CTNNA3: variants seen among roughly 807,000 people sequenced by gnomAD.
The protein encoded by CTNNA3 is catenin alpha-3.
A neutral mutation model predicts 95.7 loss-of-function variants in CTNNA3; 76 were observed. The observed-to-expected ratio is 0.79, with a 90% CI of 0.66 to 0.96. CTNNA3 has a LOEUF of 0.96. CTNNA3 is among the 40% of genes least tolerant of loss of function. The probability of loss-of-function intolerance (pLI) is 0.00; values close to 1 mark genes in which losing one functional copy is unlikely to be tolerated. For synonymous variants in CTNNA3, 431 were observed against 374.4 expected, an observed-to-expected ratio of 1.15 and a Z score of -1.74; for missense variants, 1,191 against 1,089.8, an observed-to-expected ratio of 1.09 and a Z score of -1.31.
At chr10:67,363,974 T>C (rs556040909) in intron 5 of CTNNA3, among the ~76,000 whole-genome samples, 1 of 152,310 alleles carries the variant, frequency 6.6e-6, no homozygotes, top group South Asian at 2.1e-4. Context: ...AAACTCATTT[T>C]ATGAGGCAGC....
intron 9 of CTNNA3, among the ~76,000 whole-genome samples, chr10:66,744,570 G>T (rs995767815): frequency 3.9e-5 from 6 of 152,110 alleles, no homozygotes; most frequent in Admixed American, 2.6e-4. Flanking sequence ...AGTATCTAAT[G>T]ATCACTGGCT....
At chr10:65,968,019 G>A (rs956583849) in intron 16 of CTNNA3, among the ~76,000 whole-genome samples, 1 of 152,120 alleles carries the variant, frequency 6.6e-6, no homozygotes, top group Non-Finnish European at 1.5e-5. Flanking sequence ...AAAGGATGTG[G>A]AAAAATGTTT....
chr10:67,012,072 C>A (rs1019757481), intron 7 of CTNNA3, among the ~76,000 whole-genome samples: 18 of 152,210 alleles, frequency 1.2e-4, no homozygotes, highest in African/African-American at 4.3e-4. Context: ...CCAAAAATCA[C>A]AAGCTCCGTA....
chr10:66,629,616 A>G (rs1359780124), intron 9 of CTNNA3, among the ~76,000 whole-genome samples: 1 of 152,014 alleles, frequency 6.6e-6, no homozygotes, highest in Admixed American at 6.6e-5. Flanking sequence ...TTCAGATGCA[A>G]ATTTGGTTCC....
intron 10 of CTNNA3, among the ~76,000 whole-genome samples, chr10:66,571,405 T>C (rs1463283877): frequency 1.3e-5 from 2 of 152,194 alleles, no homozygotes; most frequent in Non-Finnish European, 2.9e-5. Flanking sequence ...TCACTTGGTC[T>C]ACATAATAAT....
intron 16 of CTNNA3, among the ~76,000 whole-genome samples, chr10:65,980,648 T>A (rs752518785): frequency 1.3e-5 from 2 of 151,878 alleles, no homozygotes; most frequent in Non-Finnish European, 2.9e-5. Flanking sequence ...TAAACTGCCA[T>A]AATCACGTGG....
intron 11 of CTNNA3, among the ~76,000 whole-genome samples, chr10:66,428,836 T>C (rs1391276139): frequency 4.0e-5 from 6 of 151,454 alleles, no homozygotes; most frequent in Non-Finnish European, 8.8e-5. Context: ...ACATCACAAT[T>C]AAAAGAACTA....
chr10:66,687,395 C>T (rs1847336401), intron 9 of CTNNA3, among the ~76,000 whole-genome samples: 1 of 152,028 alleles, frequency 6.6e-6, no homozygotes, highest in South Asian at 2.1e-4. Flanking sequence ...ACATACCCAT[C>T]CTAATATGAT....
intron 13 of CTNNA3, among the ~76,000 whole-genome samples, chr10:66,152,783 A>G (rs1252083125): frequency 2.6e-5 from 4 of 151,960 alleles, no homozygotes; most frequent in African/African-American, 9.7e-5. Context: ...CCAGCCTTCT[A>G]AAGTGCCCTA....
At chr10:66,792,564 C>T (rs1420622604) in intron 7 of CTNNA3, among the ~76,000 whole-genome samples, 4 of 151,994 alleles carry the variant, frequency 2.6e-5, no homozygotes, top group Non-Finnish European at 5.9e-5. Flanking sequence ...CTAAATCCAA[C>T]ACTGTTCAGA....
chr10:66,616,137 C>A (rs181176173), intron 10 of CTNNA3, among the ~76,000 whole-genome samples: 1 of 152,130 alleles, frequency 6.6e-6, no homozygotes, highest in Non-Finnish European at 1.5e-5. Flanking sequence ...ATAAAACAGA[C>A]AGATCCATTA....
At chr10:67,600,449 C>T (rs748829274) in intron 3 of CTNNA3, among the ~76,000 whole-genome samples, 3 of 151,874 alleles carry the variant, frequency 2.0e-5, no homozygotes, top group Non-Finnish European at 4.4e-5. Context: ...ATTTGTAATA[C>T]CTACAACTAA....
intron 13 of CTNNA3, among the ~76,000 whole-genome samples, chr10:66,253,967 G>C (rs2090659770): frequency 6.6e-6 from 1 of 152,114 alleles, no homozygotes; most frequent in South Asian, 2.1e-4. Flanking sequence ...ATAGTCTGTG[G>C]TTATAGGCCT....
intron 12 of CTNNA3, among the ~76,000 whole-genome samples, chr10:66,334,605 G>A (rs1371002609): frequency 1.3e-5 from 2 of 152,098 alleles, no homozygotes; most frequent in Non-Finnish European, 2.9e-5. Context: ...GAGGTCAGCT[G>A]TAAGTCTGAT....
intron 11 of CTNNA3, among the ~76,000 whole-genome samples, chr10:66,484,893 G>A (rs952778271): frequency 6.6e-6 from 1 of 151,968 alleles, no homozygotes. Context: ...TGATAAAGTG[G>A]GGTTTATCCC....
chr10:66,848,712 T>C (rs187120501), intron 7 of CTNNA3, among the ~76,000 whole-genome samples: 1 of 152,302 alleles, frequency 6.6e-6, no homozygotes, highest in African/African-American at 2.4e-5. Context: ...TTGCTGAAGA[T>C]ACATTTGAAA....
At chr10:67,338,179 C>T (rs1421551977) in intron 5 of CTNNA3, among the ~76,000 whole-genome samples, 1 of 152,130 alleles carries the variant, frequency 6.6e-6, no homozygotes, top group Non-Finnish European at 1.5e-5. Flanking sequence ...GTTCTGCAGA[C>T]TGTACAGGAA....
intron 5 of CTNNA3, among the ~76,000 whole-genome samples, chr10:67,397,960 G>A (rs1219695526): frequency 6.6e-6 from 1 of 152,226 alleles, no homozygotes; most frequent in African/African-American, 2.4e-5. Context: ...AGGATGTATG[G>A]AAATGCTTGG....
intron 7 of CTNNA3, among the ~76,000 whole-genome samples, chr10:66,848,082 A>G (rs1843345490): frequency 6.6e-6 from 1 of 152,134 alleles, no homozygotes; most frequent in East Asian, 1.9e-4. Context: ...GGATGGTAAA[A>G]ATGAGAGAAA....
Sources: allele counts gnomAD v4.1 joint callset (sites outside exome capture counted in the v4.1 genomes callset), GRCh38; gene constraint gnomAD v4.1.1; transcripts MANE v1.5; gene names NCBI Gene and HGNC (gene_info 2026-07-23, HGNC 2026-07-21).